EEA1: variants seen among roughly 807,000 people sequenced by gnomAD.
The protein encoded by EEA1 is early endosome antigen 1, 162kD.
EEA1 carries 111 observed loss-of-function variants against 209.2 expected under a neutral mutation model. The ratio of observed to expected loss-of-function variants is 0.53; its 90% CI spans 0.45 to 0.62. EEA1 has a LOEUF of 0.62. Among genes scored for constraint, EEA1 ranks in the 20% least tolerant of loss-of-function variants. The pLI is 0.00. For synonymous variants in EEA1, 536 were observed against 540.6 expected, an observed-to-expected ratio of 0.99 and a Z score of 0.12; for missense variants, 1,343 against 1,530.8, an observed-to-expected ratio of 0.88 and a Z score of 2.05.
intron 13 of EEA1, among the ~76,000 whole-genome samples, chr12:92,822,522 G>A (rs1876107033): frequency 6.6e-6 from 1 of 151,774 alleles, no homozygotes; most frequent in Non-Finnish European, 1.5e-5. Flanking sequence ...CACATTTGAA[G>A]GTGCTGATTA....
At chr12:92,888,091 A>T (rs1416723409) in intron 2 of EEA1, among the ~76,000 whole-genome samples, 1 of 152,202 alleles carries the variant, frequency 6.6e-6, no homozygotes. Flanking sequence ...TCTTCTCAAC[A>T]GTAACAATGT....
Position 92,811,267 on chromosome 12 carries a change from T to G in EEA1, c.2199+12A>C, listed in dbSNP as rs779488296. ...AGAAAATATGACTAAATTCAACTTCTTTTATACAAACCTTAATTTGACCTT... is the reference window on the plus strand; with the variant it reads ...AGAAAATATGACTAAATTCAACTTCGTTTATACAAACCTTAATTTGACCTT... On this transcript the variant is annotated intron_variant, in intron 17 of 28. Transcript: ENST00000322349. 1 of 1,496,732 alleles carries G rather than the reference T, an allele frequency of 6.7e-7. No individual in the cohort carries two copies. Among genetic ancestry groups the G allele is most frequent in the Non-Finnish European group, 8.9e-7 (1 of 1,122,380 alleles). 92.7% of individuals were successfully genotyped at this position (1,496,732 alleles called of 1,614,324 possible).
chr12:92,882,179 C>A (rs1399873360), intron 2 of EEA1, among the ~76,000 whole-genome samples: 2 of 152,000 alleles, frequency 1.3e-5, no homozygotes, highest in African/African-American at 4.8e-5. Flanking sequence ...GTGATCTCAG[C>A]TCACTGCAAC....
chr12:92,858,837 T>C (rs1193139638), intron 3 of EEA1: 3 of 752,976 alleles, frequency 4.0e-6, no homozygotes, highest in East Asian at 2.9e-5. Flanking sequence ...GCAGACTTGT[T>C]ATTGGTGTGC....
chr12:92,900,434 GTT>G (rs532422609), intron 1 of EEA1, among the ~76,000 whole-genome samples: 5 of 144,562 alleles, frequency 3.5e-5, no homozygotes, highest in Non-Finnish European at 6.1e-5. Flanking sequence ...TTTACTGTGT[GTT>G]TTTTTTTTTA....
intron 23 of EEA1, 103 bp downstream of exon 23, chr12:92,781,847 G>C (rs1441851482): frequency 1.9e-6 from 2 of 1,031,610 alleles, no homozygotes; most frequent in Non-Finnish European, 2.6e-6. Context: ...GAGAGCTGTT[G>C]AAAATAAGGA....
chr12:92,913,590 C>T (rs1325813316), intron 1 of EEA1, among the ~76,000 whole-genome samples: 2 of 152,094 alleles, frequency 1.3e-5, no homozygotes, highest in Admixed American at 1.3e-4. Flanking sequence ...ATAAATTCTT[C>T]GCCCAGGCTA....
chr12:92,817,408 C>T (rs536500137), intron 14 of EEA1, among the ~76,000 whole-genome samples: 5 of 151,750 alleles, frequency 3.3e-5, no homozygotes, highest in African/African-American at 7.3e-5. Context: ...GGTCTCACTC[C>T]GTCACCCAGG....
At chr12:92,916,425 T>C (rs1005631303) in intron 1 of EEA1, among the ~76,000 whole-genome samples, 2 of 150,962 alleles carry the variant, frequency 1.3e-5, no homozygotes, top group Non-Finnish European at 3.0e-5. Flanking sequence ...GTGGCTGAGG[T>C]GGGCAGATCA....
At chr12:92,902,409 A>G (rs1304287652) in intron 1 of EEA1, among the ~76,000 whole-genome samples, 1 of 152,194 alleles carries the variant, frequency 6.6e-6, no homozygotes, top group African/African-American at 2.4e-5. Context: ...TAAGCGGGGC[A>G]AGGCAACTAT....
At chr12:92,823,247 C>A (rs577982206) in intron 13 of EEA1, among the ~76,000 whole-genome samples, 2 of 152,296 alleles carry the variant, frequency 1.3e-5, no homozygotes, top group East Asian at 3.9e-4. Flanking sequence ...CAATACCTTT[C>A]CATCTTCAAA....
intron 11 of EEA1, among the ~76,000 whole-genome samples, chr12:92,829,923 A>C (rs910545016): frequency 6.6e-6 from 1 of 151,740 alleles, no homozygotes; most frequent in Non-Finnish European, 1.5e-5. Flanking sequence ...TTATGGTATA[A>C]GTAAAATATT....
At chr12:92,802,119 T>C (rs1412752260) in intron 19 of EEA1, among the ~76,000 whole-genome samples, 2 of 151,984 alleles carry the variant, frequency 1.3e-5, no homozygotes, top group Non-Finnish European at 2.9e-5. Context: ...ATAGAAAATG[T>C]TTTCTCTAAA....
At chr12:92,908,062 CAT>C (rs147628738) in intron 1 of EEA1, among the ~76,000 whole-genome samples, 3,241 of 152,270 alleles carry the variant, frequency 0.021, 124 homozygotes, top group African/African-American at 0.075. Context: ...ATAGCTAAAA[CAT>C]GTAAATAATC....
intron 2 of EEA1, among the ~76,000 whole-genome samples, chr12:92,880,817 T>C (rs935297520): frequency 6.6e-6 from 1 of 152,168 alleles, no homozygotes; most frequent in Non-Finnish European, 1.5e-5. Context: ...AAAAATGGCA[T>C]AGATGCACTT....
intron 18 of EEA1, among the ~76,000 whole-genome samples, chr12:92,807,982 A>C (rs1461903527): frequency 2.0e-5 from 3 of 152,176 alleles, no homozygotes; most frequent in Admixed American, 6.5e-5. Flanking sequence ...AAAAATAATA[A>C]AGGTGAAGGA....
At position 92,862,770 on chromosome 12, in the gene EEA1, T is replaced by A. The variant is rs146783200; in HGVS notation, c.245+2090A>T. 1.4e-3 allele frequency among the ~76,000 whole-genome samples: 210 copies of A among 152,280 alleles called. 2 individuals carry two copies. Among genetic ancestry groups the A allele is most frequent in the African/African-American group, 4.8e-3 (198 of 41,570 alleles). On this transcript the variant is annotated intron_variant, in intron 3 of 28. Coordinates refer to ENST00000322349, the MANE Select transcript of EEA1 (RefSeq NM_003566.4). Reference sequence around the variant, plus strand: ...ATGCTGTTAAGGAAACAGAATTAACTAAACTTTATGATAAATCAGATGCGG... The same window carrying A: ...ATGCTGTTAAGGAAACAGAATTAACAAAACTTTATGATAAATCAGATGCGG...
At chr12:92,916,860 A>C (rs1399527215) in intron 1 of EEA1, among the ~76,000 whole-genome samples, 1 of 138,464 alleles carries the variant, frequency 7.2e-6, no homozygotes, top group African/African-American at 2.8e-5. Flanking sequence ...AATTTAGAAG[A>C]ATGTATAACT....
intron 21 of EEA1, among the ~76,000 whole-genome samples, chr12:92,796,943 G>A (rs945816183): frequency 6.6e-6 from 1 of 152,182 alleles, no homozygotes; most frequent in African/African-American, 2.4e-5. Context: ...GTTAATGTGT[G>A]TCCAAATTTA....
Sources: gnomAD v4.1 joint callset for allele counts (sites outside exome capture counted in the v4.1 genomes callset) on GRCh38, gnomAD v4.1.1 for gene constraint, MANE v1.5 for transcripts, NCBI Gene and HGNC (gene_info 2026-07-23, HGNC 2026-07-21) for gene names.